Variants in PHC2 observed in about 807,000 individuals in gnomAD.
PHC2 encodes the protein polyhomeotic-like protein 2.
Under a neutral mutation model 87.4 loss-of-function variants are expected in PHC2, and 29 were observed. The ratio of observed to expected loss-of-function variants is 0.33; its 90% confidence interval spans 0.25 to 0.45. PHC2 has a LOEUF of 0.45. Ranked by LOEUF, PHC2 falls within the 20% of genes least tolerant of loss-of-function variation. The pLI is 1.00. For missense variants in PHC2, 857 were observed against 1,136.7 expected, an observed-to-expected ratio of 0.75 and a Z score of 3.54; for synonymous variants, 438 against 461.7, an observed-to-expected ratio of 0.95 and a Z score of 0.66.
At chr1:33,362,760 T>G (rs1570485744) in intron 7 of PHC2, among the ~76,000 whole-genome samples, 2 of 25,054 alleles carry the variant, frequency 8.0e-5, no homozygotes, top group Non-Finnish European at 1.4e-4. Flanking sequence ...TTCTTGAAAC[T>G]TAATCATGTT....
chr1:33,326,880 C>T (rs898879413), intron 14 of PHC2, among the ~76,000 whole-genome samples: 8 of 151,988 alleles, frequency 5.3e-5, no homozygotes, highest in Non-Finnish European at 1.0e-4. Flanking sequence ...ACCCAGGAGG[C>T]GGAGGTTGCA....
At chr1:33,426,027 T>C (rs147198725) in intron 1 of PHC2, among the ~76,000 whole-genome samples, 1,523 of 152,252 alleles carry the variant, frequency 0.01, 63 homozygotes, top group Admixed American at 0.066. Flanking sequence ...TCAAGTGATG[T>C]CAGGACTTGG....
intron 1 of PHC2, among the ~76,000 whole-genome samples, chr1:33,401,541 A>T (rs570196479): frequency 5.8e-4 from 89 of 152,290 alleles, no homozygotes; most frequent in Admixed American, 1.0e-3. Flanking sequence ...CATTTTAGTG[A>T]TATCACATTG....
chr1:33,392,237 T>TCCA (rs1479825156), intron 1 of PHC2, among the ~76,000 whole-genome samples: 2 of 152,172 alleles, frequency 1.3e-5, no homozygotes, highest in African/African-American at 4.8e-5. Flanking sequence ...TGCCTCTTCA[T>TCCA]CCACCTGTCT....
Position 33,424,112 on chromosome 1 carries a change from C to A in PHC2, c.-55+6864G>T, listed in dbSNP as rs12746492. Among the ~76,000 whole-genome samples the A allele has an allele frequency of 1.3e-3, 181 of 137,328 alleles. 1 individual carries two copies. In the East Asian group the frequency reaches 0.019, roughly 14 times the overall value. 90.1% of individuals were successfully genotyped at this position (137,328 alleles called of 152,430 possible). A position where few individuals can be genotyped will look rare whatever the true frequency, so the allele number is the denominator to read the frequency against. ...GACTCCGTCTCAAAAAAAAAAAAAACAAAAAAAACAAAAAACAAAAAAAAA... is the reference window on the plus strand; with the variant it reads ...GACTCCGTCTCAAAAAAAAAAAAAAAAAAAAAAACAAAAAACAAAAAAAAA... On this transcript the variant is annotated intron_variant, in intron 1 of 14. Transcript: ENST00000683057.
At chr1:33,426,370 A>T (rs1476822645) in intron 1 of PHC2, among the ~76,000 whole-genome samples, 1 of 152,120 alleles carries the variant, frequency 6.6e-6, no homozygotes, top group African/African-American at 2.4e-5. Context: ...GTGGTTAAAA[A>T]GGCACCAGAT....
At chr1:33,370,694 T>G in intron 4 of PHC2, 109 bp from the exon 5 acceptor site, 1 of 1,094,504 alleles carries the variant, frequency 9.1e-7, no homozygotes, top group Non-Finnish European at 1.3e-6. Flanking sequence ...TTATTCAGCC[T>G]CCTTCAGGAA....
intron 7 of PHC2, among the ~76,000 whole-genome samples, chr1:33,361,571 C>G (rs1283715039): frequency 6.6e-6 from 1 of 152,180 alleles, no homozygotes; most frequent in Non-Finnish European, 1.5e-5. Context: ...AAACTCCTGA[C>G]CTCAAGTGAT....
chr1:33,370,575 G>T lies in PHC2; in HGVS notation c.422C>A (p.Ala141Glu). The T allele has an allele frequency of 6.2e-7, 1 of 1,612,590 alleles. No homozygotes were observed. The highest frequency in any genetic ancestry group is 2.2e-5 in the East Asian group (1 of 44,804). ...APAQSSSINL[A>E]ASPAAAQLLN... ...GAGCTGGGCTGCTGCTGGGGAGGCT[G>T]CCAGGTTGATCTAATGAGAGAGACA... The change falls in exon 5 of 15, where the codon GCA becomes GAA. Residue 141 changes from alanine (A) to glutamate (E), a missense_variant. Ala to Glu is a moderately radical substitution (Grantham distance 107). This residue lies in a region of PHC2 where 832 missense variants were observed against 1,081.8 expected (regional missense o/e 0.77). Transcript: ENST00000683057.
In PHC2 at chr1:33,399,200, T is replaced by C. The variant is rs111584691; in HGVS notation, c.-54-23607A>G. Among the ~76,000 whole-genome samples, 219 of 152,222 alleles carry C rather than the reference T, an allele frequency of 1.4e-3. 4 individuals carry two copies. Among genetic ancestry groups the C allele is most frequent in the African/African-American group, 4.3e-3 (179 of 41,536 alleles). ...TACACTGAGTCACTGTTTCCTTGTC[T>C]TTAAAGCAGAAAGAACAATCCTTGA... On this transcript the variant is annotated intron_variant, in intron 1 of 14. Coordinates refer to ENST00000683057, the MANE Select transcript of PHC2 (RefSeq NM_001385109.1).
At chr1:33,362,228 C>T (rs970432374) in intron 7 of PHC2, among the ~76,000 whole-genome samples, 1 of 152,216 alleles carries the variant, frequency 6.6e-6, no homozygotes, top group Non-Finnish European at 1.5e-5. Flanking sequence ...TGCCTTTGCT[C>T]AATGCCTATT....
chr1:33,410,378 T>A (rs558309610), intron 1 of PHC2, among the ~76,000 whole-genome samples: 2 of 152,272 alleles, frequency 1.3e-5, no homozygotes, highest in Admixed American at 6.5e-5. Context: ...CAGACAGAGC[T>A]AAAGAATGGG....
intron 1 of PHC2, among the ~76,000 whole-genome samples, chr1:33,412,637 G>A (rs1415661394): frequency 1.3e-5 from 2 of 152,228 alleles, no homozygotes; most frequent in East Asian, 1.9e-4. Context: ...CACTAATACA[G>A]TGCCAGATAT....
At chr1:33,414,164 TTCTC>T (rs146936204) in intron 1 of PHC2, among the ~76,000 whole-genome samples, 21 of 142,934 alleles carry the variant, frequency 1.5e-4, no homozygotes, top group African/African-American at 3.2e-4. Context: ...TACATATGTA[TTCTC>T]TCTCTCTGTC....
rs4653102 is a variant in PHC2, at chr1:33,364,812, T to C, written c.976+2304A>G. On this transcript the variant is annotated intron_variant, in intron 7 of 14. Transcript: ENST00000683057. The surrounding 1 kb of genome is among the most constrained non-coding windows in gnomAD (Gnocchi z 4.1). ...GGAGCTGCAGCTCACAGCTGCTCCA[T>C]AGAAAGTTCTGTGGAGCCACTGGTC... Among the ~76,000 whole-genome samples, 93,396 of 152,086 alleles carry C rather than the reference T, an allele frequency of 0.61. 29,870 individuals are homozygous for C. Among genetic ancestry groups the C allele is most frequent in the African/African-American group, 0.82 (33,959 of 41,524 alleles).
intron 1 of PHC2, among the ~76,000 whole-genome samples, chr1:33,398,105 T>G (rs1649369632): frequency 6.6e-6 from 1 of 152,202 alleles, no homozygotes; most frequent in South Asian, 2.1e-4. Context: ...TAGCACTGCT[T>G]TTTGCTTCTC....
At chr1:33,330,265 C>G in intron 12 of PHC2, 53 bp from the exon 13 acceptor site, 1 of 1,594,774 alleles carries the variant, frequency 6.3e-7, no homozygotes, top group Non-Finnish European at 8.6e-7. Context: ...GCTTATGGGC[C>G]GTAGGCAGAA....
At chr1:33,404,404 G>C (rs1649670135) in intron 1 of PHC2, among the ~76,000 whole-genome samples, 1 of 152,130 alleles carries the variant, frequency 6.6e-6, no homozygotes, top group African/African-American at 2.4e-5. Flanking sequence ...TTCCTACATA[G>C]AGGTAGCTTA....
chr1:33,424,933 G>C (rs960030404), intron 1 of PHC2, among the ~76,000 whole-genome samples: 4 of 152,110 alleles, frequency 2.6e-5, no homozygotes, highest in African/African-American at 9.7e-5. Context: ...GTCAGGACCT[G>C]GATAACAGGA....
Sources: gnomAD v4.1 joint callset for allele counts (sites outside exome capture counted in the v4.1 genomes callset) on GRCh38, gnomAD v4.1.1 for gene constraint, gnomAD v4.1.1 regional missense constraint, Gnocchi (gnomAD v3.1) non-coding constraint, MANE v1.5 for transcripts, NCBI Gene and HGNC (gene_info 2026-07-23, HGNC 2026-07-21) for gene names.